SUGCT: variants seen among roughly 807,000 people sequenced by gnomAD.
SUGCT encodes succinyl-CoA:glutarate-CoA transferase.
Under a neutral mutation model 55.0 loss-of-function variants are expected in SUGCT, and 41 were observed. The ratio of observed to expected loss-of-function variants is 0.74; its 90% CI spans 0.58 to 0.97. The LOEUF is 0.97. Ranked by LOEUF, SUGCT falls within the 50% of genes least tolerant of loss-of-function variation. SUGCT has a pLI of 0.00. For missense variants in SUGCT, 568 were observed against 547.8 expected, an observed-to-expected ratio of 1.04 and a Z score of -0.37; for synonymous variants, 187 against 200.4, an observed-to-expected ratio of 0.93 and a Z score of 0.56.
At chr7:40,985,016 T>G in the SUGCT span, among the ~76,000 whole-genome samples, 9 of 152,226 alleles carry the variant, frequency 5.9e-5, no homozygotes, top group East Asian at 1.7e-3. Flanking sequence ...AAGAACAAAG[T>G]GTATGTGTTC....
At chr7:40,165,823 T>A (rs942983146) in intron 1 of SUGCT, among the ~76,000 whole-genome samples, 3 of 152,138 alleles carry the variant, frequency 2.0e-5, no homozygotes, top group Non-Finnish European at 1.5e-5. Context: ...ATGATAATCA[T>A]AACAATTGCA....
At chr7:40,680,953 C>G (rs1784211232) in intron 12 of SUGCT, among the ~76,000 whole-genome samples, 1 of 152,138 alleles carries the variant, frequency 6.6e-6, no homozygotes, top group South Asian at 2.1e-4. Flanking sequence ...TAAGTGCGAG[C>G]ATGTTTCCAC....
chr7:40,146,723 C>T (rs1788268252), intron 1 of SUGCT, among the ~76,000 whole-genome samples: 1 of 152,200 alleles, frequency 6.6e-6, no homozygotes, highest in African/African-American at 2.4e-5. Context: ...CCAGTGTGGG[C>T]ATCAAGGCCA....
At chr7:40,655,347 C>T (rs60699942) in intron 12 of SUGCT, among the ~76,000 whole-genome samples, 6,395 of 152,224 alleles carry the variant, frequency 0.042, 443 homozygotes, top group African/African-American at 0.15. Context: ...CTCTCCCTCT[C>T]GCTCTTTTCC....
intron 12 of SUGCT, among the ~76,000 whole-genome samples, chr7:40,654,433 A>G (rs890400813): frequency 4.6e-5 from 7 of 152,154 alleles, no homozygotes; most frequent in African/African-American, 1.4e-4. Context: ...CAAAAACTCA[A>G]CACCTCCTCC....
intron 1 of SUGCT, among the ~76,000 whole-genome samples, chr7:40,165,442 G>A (rs982274497): frequency 6.6e-6 from 1 of 152,028 alleles, no homozygotes; most frequent in African/African-American, 2.4e-5. Flanking sequence ...TAGAATTGAT[G>A]GCAGCTTCAT....
chr7:40,618,080 C>T (rs1799097540), intron 12 of SUGCT, among the ~76,000 whole-genome samples: 1 of 152,166 alleles, frequency 6.6e-6, no homozygotes, highest in Non-Finnish European at 1.5e-5. Context: ...TGTTACACAG[C>T]TAATGTTCTG....
chr7:40,950,454 C>T, the SUGCT span, among the ~76,000 whole-genome samples: 2 of 152,202 alleles, frequency 1.3e-5, no homozygotes, highest in Non-Finnish European at 2.9e-5. Context: ...TTATTTCTTT[C>T]TCCTGCCTGA....
rs187898204 is a variant in SUGCT at position 40,417,614 on chromosome 7, A to G, written c.817-31673A>G. On this transcript the variant is annotated intron_variant, in intron 9 of 13. Transcript: ENST00000335693. Reference sequence around the variant, plus strand: ...TTAAGCATATTTTTTGTTCAAGTGCATGATTTAATTAAAAAATGTTCTATG... The same window carrying G: ...TTAAGCATATTTTTTGTTCAAGTGCGTGATTTAATTAAAAAATGTTCTATG... Among the ~76,000 whole-genome samples, 4 of 151,958 alleles carry G rather than the reference A, an allele frequency of 2.6e-5. No homozygotes were observed. The East Asian group carries it at 5.8e-4, about 22-fold the overall frequency.
intron 12 of SUGCT, among the ~76,000 whole-genome samples, chr7:40,722,122 G>A (rs1263212754): frequency 6.6e-6 from 1 of 151,876 alleles, no homozygotes; most frequent in Non-Finnish European, 1.5e-5. Context: ...AATTGACAGG[G>A]TAGAGGACCT....
At chr7:40,349,611 T>C (rs1252869996) in intron 9 of SUGCT, among the ~76,000 whole-genome samples, 1 of 152,144 alleles carries the variant, frequency 6.6e-6, no homozygotes, top group Non-Finnish European at 1.5e-5. Context: ...AGTTACAAAA[T>C]AGAGGTTTTG....
the SUGCT span, among the ~76,000 whole-genome samples, chr7:40,951,232 C>T: frequency 6.6e-6 from 1 of 152,106 alleles, no homozygotes; most frequent in Non-Finnish European, 1.5e-5. Flanking sequence ...TCTAGATTTT[C>T]TAGTTTATTT....
intron 9 of SUGCT, among the ~76,000 whole-genome samples, chr7:40,389,490 C>T (rs1023778329): frequency 1.4e-5 from 2 of 139,408 alleles, no homozygotes; most frequent in Admixed American, 7.2e-5. Context: ...GAAGAGTTAC[C>T]GAACATATAC....
At chr7:40,273,571 T>G (rs2150996865) in intron 7 of SUGCT, among the ~76,000 whole-genome samples, 1 of 152,344 alleles carries the variant, frequency 6.6e-6, no homozygotes, top group South Asian at 2.1e-4. Flanking sequence ...AGTACTGTTC[T>G]AACATCTTTA....
At chr7:40,244,143 A>C (rs1789654713) in intron 7 of SUGCT, among the ~76,000 whole-genome samples, 1 of 152,240 alleles carries the variant, frequency 6.6e-6, no homozygotes, top group African/African-American at 2.4e-5. Context: ...ACTGCACTCC[A>C]GCCTGGGTGA....
At chr7:40,879,636 A>G in the SUGCT span, among the ~76,000 whole-genome samples, 3 of 152,156 alleles carry the variant, frequency 2.0e-5, no homozygotes. Flanking sequence ...TTCTATAATA[A>G]TTCTTCATTT....
chr7:40,262,524 G>A (rs903066261), intron 7 of SUGCT, among the ~76,000 whole-genome samples: 4 of 149,960 alleles, frequency 2.7e-5, no homozygotes, highest in Admixed American at 2.7e-4. Context: ...AATTAGCCGA[G>A]CGTGGTAGTG....
At chr7:40,853,144 A>C (rs1793940343) in intron 13 of SUGCT, among the ~76,000 whole-genome samples, 1 of 152,032 alleles carries the variant, frequency 6.6e-6, no homozygotes. Context: ...TTGTTTGCTA[A>C]TATATATGTA....
chr7:40,602,274 A>G (rs1419685112), intron 12 of SUGCT, among the ~76,000 whole-genome samples: 2 of 152,196 alleles, frequency 1.3e-5, no homozygotes, highest in East Asian at 3.9e-4. Flanking sequence ...TTACCACGGG[A>G]CTGAATGAAG....
Sources: allele counts gnomAD v4.1 joint callset (sites outside exome capture counted in the v4.1 genomes callset), GRCh38; gene constraint gnomAD v4.1.1; transcripts MANE v1.5; gene names NCBI Gene and HGNC (gene_info 2026-07-23, HGNC 2026-07-21).